The following TBL1XR1 variants were observed in gnomAD, a reference collection of about 807,000 sequenced individuals.
The protein encoded by TBL1XR1 is F-box-like/WD repeat-containing protein TBL1XR1.
In TBL1XR1, 5 loss-of-function variants were observed where a neutral mutation model predicts 66.9. The ratio of observed to expected loss-of-function variants is 0.07; its 90% confidence interval spans 0.04 to 0.16. TBL1XR1 has a LOEUF of 0.16. TBL1XR1 is among the 10% of genes least tolerant of loss of function. The pLI is 1.00. For missense variants in TBL1XR1, 238 were observed against 623.2 expected (o/e 0.38, Z 6.58); for synonymous variants, 210 against 206.0 (o/e 1.02, Z -0.17).
At chr3:177,033,920 C>A (rs559164400) in intron 13 of TBL1XR1, among the ~76,000 whole-genome samples, 98 of 152,058 alleles carry the variant, frequency 6.4e-4, no homozygotes, top group African/African-American at 2.3e-3. Context: ...ACTTTGTGGA[C>A]TGGAGGTGGG....
At chr3:177,191,399 C>G (rs536410919) in intron 1 of TBL1XR1, among the ~76,000 whole-genome samples, 18 of 152,326 alleles carry the variant, frequency 1.2e-4, no homozygotes, top group African/African-American at 4.3e-4. Flanking sequence ...TAGGTAACAA[C>G]ACTGGCCTAG....
chr3:177,187,390 CAAAAA>C, intron 1 of TBL1XR1, among the ~76,000 whole-genome samples: 1 of 68,672 alleles, frequency 1.5e-5, no homozygotes, highest in East Asian at 2.8e-4. Context: ...GACTCTATCT[CAAAAA>C]AAAAAAAAAA....
chr3:177,194,152 G>C (rs189462338), intron 1 of TBL1XR1: 1 of 152,310 alleles, frequency 6.6e-6, no homozygotes, highest in Admixed American at 6.5e-5. Flanking sequence ...GTTTCTATTG[G>C]TGGCAGAGCA....
chr3:177,042,180 C>G (rs2108454158), intron 10 of TBL1XR1, among the ~76,000 whole-genome samples: 1 of 152,192 alleles, frequency 6.6e-6, no homozygotes, highest in South Asian at 2.1e-4. Context: ...ACTTAAAATA[C>G]AATTCTAAAA....
chr3:177,116,428 T>A (rs544124460), intron 1 of TBL1XR1, among the ~76,000 whole-genome samples: 3 of 152,302 alleles, frequency 2.0e-5, no homozygotes, highest in African/African-American at 7.2e-5. Context: ...GACATGTGTA[T>A]GTTTTTAGTT....
At chr3:177,184,969 A>C (rs1407252568) in intron 1 of TBL1XR1, among the ~76,000 whole-genome samples, 1 of 152,200 alleles carries the variant, frequency 6.6e-6, no homozygotes, top group Non-Finnish European at 1.5e-5. Flanking sequence ...GAACTGACTG[A>C]AAAGCACAGG....
upstream of TBL1XR1, among the ~76,000 whole-genome samples, chr3:177,198,782 C>G (rs547931220): frequency 4.7e-4 from 71 of 152,200 alleles, no homozygotes; most frequent in Non-Finnish European, 8.2e-4. Context: ...TTCCTACTTT[C>G]ATCAGAATAT....
intron 1 of TBL1XR1, among the ~76,000 whole-genome samples, chr3:177,178,142 C>T (rs1186613828): frequency 6.6e-6 from 1 of 152,118 alleles, no homozygotes; most frequent in Admixed American, 6.5e-5. Flanking sequence ...AATGGCTGGG[C>T]ACGGTGAACA....
chr3:177,181,785 T>C (rs1472735610), intron 1 of TBL1XR1, among the ~76,000 whole-genome samples: 4 of 145,792 alleles, frequency 2.7e-5, no homozygotes, highest in African/African-American at 7.7e-5. Flanking sequence ...GCAAGAATCA[T>C]ATGCCAGTAT....
intron 1 of TBL1XR1, among the ~76,000 whole-genome samples, chr3:177,112,698 T>G (rs1430658603): frequency 6.6e-6 from 1 of 152,080 alleles, no homozygotes; most frequent in Non-Finnish European, 1.5e-5. Flanking sequence ...ATGAGAACAC[T>G]TTTTTGTGAA....
intron 1 of TBL1XR1, among the ~76,000 whole-genome samples, chr3:177,145,424 A>C (rs1730131190): frequency 6.6e-6 from 1 of 152,226 alleles, no homozygotes; most frequent in South Asian, 2.1e-4. Context: ...TGGAATACAG[A>C]GACCTGACAA....
rs773499702 is a variant in TBL1XR1 at position 177,047,417 on chromosome 3, C to T, written c.767-20G>A. 6.3e-7 allele frequency: 1 copy of T among 1,597,894 alleles called. No homozygotes were observed. The highest frequency in any genetic ancestry group is 1.1e-5 in the South Asian group (1 of 89,102). Reference sequence around the variant, plus strand: ...GGTTACCTAAAATGCAAAAGAAAAACATTAACATTATTTTAAATTTTCTAT... The same window carrying T: ...GGTTACCTAAAATGCAAAAGAAAAATATTAACATTATTTTAAATTTTCTAT... On this transcript the variant is annotated intron_variant, in intron 8 of 15. Coordinates refer to ENST00000457928, the MANE Select transcript of TBL1XR1 (RefSeq NM_024665.7).
chr3:177,110,576 T>C (rs1441620047), intron 1 of TBL1XR1, among the ~76,000 whole-genome samples: 2 of 152,124 alleles, frequency 1.3e-5, no homozygotes, highest in African/African-American at 4.8e-5. Context: ...TCTGTGAAAA[T>C]GCATAAAGCT....
At chr3:177,169,230 G>T (rs1402577105) in intron 1 of TBL1XR1, among the ~76,000 whole-genome samples, 2 of 152,114 alleles carry the variant, frequency 1.3e-5, no homozygotes, top group African/African-American at 2.4e-5. Context: ...AATTTCTTTA[G>T]ATTTTAAATC....
At chr3:177,150,612 G>C (rs190894388) in intron 1 of TBL1XR1, among the ~76,000 whole-genome samples, 7 of 152,320 alleles carry the variant, frequency 4.6e-5, no homozygotes, top group African/African-American at 9.6e-5. Flanking sequence ...CACATAGTTT[G>C]ATGTTGTAGA....
intron 5 of TBL1XR1, 83 bp downstream of exon 5, chr3:177,051,421 C>A (rs1717070705): frequency 2.3e-6 from 3 of 1,291,672 alleles, no homozygotes; most frequent in Non-Finnish European, 2.1e-6. Flanking sequence ...TATAACAAAC[C>A]TGCACATGTA....
At chr3:177,029,866 T>C (rs1713692456) in intron 14 of TBL1XR1, among the ~76,000 whole-genome samples, 1 of 152,112 alleles carries the variant, frequency 6.6e-6, no homozygotes, top group Non-Finnish European at 1.5e-5. Context: ...GAAAAGATAT[T>C]TAAACTAATT....
At chr3:177,090,161 T>C (rs750951828) in intron 2 of TBL1XR1, among the ~76,000 whole-genome samples, 4 of 152,208 alleles carry the variant, frequency 2.6e-5, no homozygotes, top group Admixed American at 6.5e-5. Context: ...ACTATCTCTA[T>C]GTCCTGCTAT....
chr3:177,093,914 C>A (rs182517203), intron 2 of TBL1XR1, among the ~76,000 whole-genome samples: 10 of 152,286 alleles, frequency 6.6e-5, no homozygotes, highest in Admixed American at 2.0e-4. Flanking sequence ...CTAGCTTGGG[C>A]AACGACTTCA....
Sources: allele counts gnomAD v4.1 joint callset (sites outside exome capture counted in the v4.1 genomes callset), GRCh38; gene constraint gnomAD v4.1.1; transcripts MANE v1.5; gene names NCBI Gene and HGNC (gene_info 2026-07-23, HGNC 2026-07-21).